Variants in UBR1 observed in about 807,000 individuals in gnomAD.
UBR1 encodes the protein E3 ubiquitin-protein ligase UBR1.
A neutral mutation model predicts 242.1 loss-of-function variants in UBR1; 102 were observed. The observed-to-expected ratio is 0.42, with a 90% CI of 0.36 to 0.50. The LOEUF is 0.50. UBR1 is among the 20% of genes least tolerant of loss of function. The probability of loss-of-function intolerance (pLI) is 0.01; values close to 1 mark genes in which losing one functional copy is unlikely to be tolerated. For missense variants in UBR1, 1,772 were observed against 2,101.8 expected (o/e 0.84, Z 3.07); for synonymous variants, 675 against 684.8 (o/e 0.99, Z 0.22).
chr15:42,975,379 C>A (rs577670419), intron 39 of UBR1, among the ~76,000 whole-genome samples: 1 of 152,214 alleles, frequency 6.6e-6, no homozygotes, highest in South Asian at 2.1e-4. Flanking sequence ...CATAGAATTT[C>A]ATTATATGGT....
intron 12 of UBR1, among the ~76,000 whole-genome samples, chr15:43,053,864 G>A (rs557001373): frequency 5.1e-5 from 7 of 137,470 alleles, no homozygotes; most frequent in Non-Finnish European, 7.7e-5. Context: ...GTCTCACTCC[G>A]TTGCCAGGCT....
intron 15 of UBR1, 102 bp from the exon 16 acceptor site, chr15:43,038,334 C>T (rs573125383): frequency 1.4e-5 from 16 of 1,156,834 alleles, no homozygotes; most frequent in African/African-American, 3.0e-5. Context: ...TTTGGCTGGG[C>T]GCGGTGGCTC....
chr15:42,979,067 G>A (rs963459620), intron 37 of UBR1, among the ~76,000 whole-genome samples: 3 of 151,550 alleles, frequency 2.0e-5, no homozygotes, highest in Non-Finnish European at 4.4e-5. Flanking sequence ...GCTAATTTTT[G>A]TATTTTTAGT....
intron 14 of UBR1, among the ~76,000 whole-genome samples, chr15:43,045,777 A>G (rs1340571259): frequency 4.6e-5 from 7 of 152,226 alleles, no homozygotes; most frequent in Non-Finnish European, 1.5e-5. Flanking sequence ...AAGAAAGAGA[A>G]TATTGGGGAA....
At chr15:42,981,725 C>T (rs908823365) in intron 37 of UBR1, among the ~76,000 whole-genome samples, 1 of 152,092 alleles carries the variant, frequency 6.6e-6, no homozygotes, top group Non-Finnish European at 1.5e-5. Flanking sequence ...CTCCTGACCT[C>T]GTGATCCGCC....
chr15:42,987,056 TC>T (rs909338698), intron 35 of UBR1, among the ~76,000 whole-genome samples: 1 of 152,162 alleles, frequency 6.6e-6, no homozygotes, highest in African/African-American at 2.4e-5. Flanking sequence ...CTTCCTCAGC[TC>T]CCATGCCCCT....
intron 42 of UBR1, among the ~76,000 whole-genome samples, chr15:42,961,112 C>CCTTTTTT (rs1555441994): frequency 1.4e-5 from 2 of 141,264 alleles, no homozygotes; most frequent in Non-Finnish European, 1.5e-5. Flanking sequence ...TATGTTCCCC[C>CCTTTTTT]TTTTTTTTTT....
chr15:43,006,963 T>A (rs1164395091), intron 30 of UBR1, 116 bp downstream of exon 30: 2 of 937,162 alleles, frequency 2.1e-6, no homozygotes, highest in Admixed American at 4.4e-5. Flanking sequence ...TTAAATATGA[T>A]AATGGTATGG....
rs778476475 is a variant in UBR1, at chr15:42,988,875, T to C, written c.3941A>G (p.Asp1314Gly). Reference protein sequence around the residue: ...IGLKVPPDERDPRVPMLTWST... With the variant: ...IGLKVPPDERGPRVPMLTWST... ...CCAGGTCAGCATGGGGACTCGAGGA[T>C]CCCTTTCATCAGGTGGCACTTTCAA... is the stretch of plus-strand genomic sequence containing the variant. The change falls in exon 35 of 47, where the codon GAT becomes GGT. Residue 1314 changes from aspartate (D) to glycine (G), a missense_variant. Physicochemically the swap from Asp to Gly is moderately conservative, Grantham distance 94. Coordinates refer to ENST00000290650, the MANE Select transcript of UBR1 (RefSeq NM_174916.3). 1.9e-6 allele frequency: 3 copies of C among 1,614,220 alleles called. No individual in the cohort carries two copies. The highest frequency in any genetic ancestry group is 2.2e-5 in the East Asian group (1 of 44,884).
intron 41 of UBR1, 54 bp from the exon 42 acceptor site, chr15:42,964,097 C>T: frequency 8.2e-7 from 1 of 1,215,650 alleles, no homozygotes; most frequent in Non-Finnish European, 1.2e-6. Flanking sequence ...CCTGGTCAAT[C>T]TGTGCATTAG....
intron 42 of UBR1, among the ~76,000 whole-genome samples, chr15:42,962,759 G>A (rs956138012): frequency 6.6e-6 from 1 of 152,142 alleles, no homozygotes; most frequent in Non-Finnish European, 1.5e-5. Context: ...CAAAGTGCTG[G>A]GATTACATGC....
Position 43,048,454 on chromosome 15 carries a change from T to G in UBR1, c.1477A>C (p.Arg493=), listed in dbSNP as rs1567136487. ...CCTTCAAGGAACTGCATTCTTAATC[T>G]TTCTGTCCATATTGTGGGTTTGCTG... ...LISKPTIWTE[R]LRMQFLEGFR... Residue 493 remains arginine (R), a synonymous_variant, in exon 13 of 47, where the codon AGA becomes CGA. Coordinates refer to ENST00000290650, the MANE Select transcript of UBR1 (RefSeq NM_174916.3). 2 of 1,613,832 alleles carry G rather than the reference T, an allele frequency of 1.2e-6. No individual in the cohort carries two copies. The highest frequency in any genetic ancestry group is 1.3e-5 in the African/African-American group (1 of 75,052).
intron 6 of UBR1, among the ~76,000 whole-genome samples, chr15:43,065,167 T>A (rs1465594049): frequency 6.6e-6 from 1 of 152,192 alleles, no homozygotes; most frequent in Non-Finnish European, 1.5e-5. Context: ...GTAATATAGG[T>A]ATTGACATCT....
At chr15:42,964,938 C>A (rs1350658154) in intron 41 of UBR1, among the ~76,000 whole-genome samples, 4 of 152,192 alleles carry the variant, frequency 2.6e-5, no homozygotes, top group African/African-American at 9.7e-5. Flanking sequence ...CTTCATTCTG[C>A]CTTGCAACAT....
intron 12 of UBR1, among the ~76,000 whole-genome samples, chr15:43,049,612 T>G (rs1391117290): frequency 6.6e-6 from 1 of 152,180 alleles, no homozygotes; most frequent in South Asian, 2.1e-4. Flanking sequence ...AATACATTTT[T>G]TTTGAACTGC....
chr15:43,056,492 TA>T (rs35128635), intron 10 of UBR1, 50 bp from the exon 11 acceptor site: 2 of 1,273,896 alleles, frequency 1.6e-6, no homozygotes, highest in Non-Finnish European at 2.3e-6. Flanking sequence ...TAAAGACCTT[TA>T]AAAAATCCCA....
At chr15:43,077,015 CG>C (rs1481031165) in intron 3 of UBR1, among the ~76,000 whole-genome samples, 1 of 69,852 alleles carries the variant, frequency 1.4e-5, no homozygotes, top group Non-Finnish European at 3.1e-5. Context: ...GCCGCCCCGT[CG>C]GGGAGGGTGG....
At chr15:43,071,763 C>A (rs1387600502) in intron 4 of UBR1, among the ~76,000 whole-genome samples, 2 of 152,136 alleles carry the variant, frequency 1.3e-5, no homozygotes, top group Non-Finnish European at 2.9e-5. Context: ...TAATAAAAAG[C>A]TTGTTCAAGC....
intron 15 of UBR1, among the ~76,000 whole-genome samples, chr15:43,041,190 A>C (rs923249567): frequency 6.6e-6 from 1 of 152,190 alleles, no homozygotes; most frequent in African/African-American, 2.4e-5. Context: ...CTTGGAACCA[A>C]CCCAAATGTC....
Sources: gnomAD v4.1 joint callset for allele counts (sites outside exome capture counted in the v4.1 genomes callset) on GRCh38, gnomAD v4.1.1 for gene constraint, MANE v1.5 for transcripts, NCBI Gene and HGNC (gene_info 2026-07-23, HGNC 2026-07-21) for gene names.